The following DDX10 variants were observed in gnomAD, a reference collection of about 807,000 sequenced individuals.
DDX10 encodes the protein DEAD-box helicase 10, also known as probable ATP-dependent RNA helicase DDX10.
In DDX10, 74 loss-of-function variants were observed where a neutral mutation model predicts 104.3. The ratio of observed to expected loss-of-function variants is 0.71; its 90% CI spans 0.59 to 0.86. The LOEUF is 0.86. DDX10 is among the 40% of genes least tolerant of loss of function. The probability of loss-of-function intolerance (pLI) is 0.00; values close to 1 mark genes in which losing one functional copy is unlikely to be tolerated. For synonymous variants in DDX10, 351 were observed against 353.4 expected (o/e 0.99, Z 0.08); for missense variants, 952 against 1,040.0 (o/e 0.92, Z 1.16).
intron 15 of DDX10, among the ~76,000 whole-genome samples, chr11:108,843,678 C>T (rs1315798538): frequency 1.3e-5 from 2 of 151,810 alleles, no homozygotes; most frequent in Non-Finnish European, 2.9e-5. Context: ...ATTGCTTGAA[C>T]CTGGGAGGTG....
chr11:108,730,527 T>A (rs2094310761), intron 13 of DDX10, among the ~76,000 whole-genome samples: 1 of 152,224 alleles, frequency 6.6e-6, no homozygotes, highest in Non-Finnish European at 1.5e-5. Context: ...TTAACTGAAT[T>A]TCTTATTCCT....
At chr11:108,720,391 A>G (rs2094296814) in intron 12 of DDX10, among the ~76,000 whole-genome samples, 1 of 152,162 alleles carries the variant, frequency 6.6e-6, no homozygotes. Flanking sequence ...TAGACATTTT[A>G]TGCTTTGAAT....
chr11:108,838,670 AC>A, intron 14 of DDX10, 105 bp downstream of exon 14: 1 of 1,312,710 alleles, frequency 7.6e-7, no homozygotes, highest in South Asian at 1.6e-5. Context: ...ATGTTTCTCT[AC>A]AGCATGCTGG....
chr11:108,885,482 C>G (rs557200650), intron 16 of DDX10, among the ~76,000 whole-genome samples: 1 of 151,666 alleles, frequency 6.6e-6, no homozygotes, highest in Non-Finnish European at 1.5e-5. Context: ...CTCAGACTCT[C>G]GAGTAGCTGG....
intron 16 of DDX10, among the ~76,000 whole-genome samples, chr11:108,855,045 A>G (rs1191358139): frequency 6.6e-6 from 1 of 152,180 alleles, no homozygotes; most frequent in Non-Finnish European, 1.5e-5. Flanking sequence ...TTTGCTGGGT[A>G]CCTAATAGTG....
intron 13 of DDX10, among the ~76,000 whole-genome samples, chr11:108,754,184 A>G (rs1341094195): frequency 6.6e-6 from 1 of 152,046 alleles, no homozygotes; most frequent in East Asian, 1.9e-4. Context: ...TAGCTGAATG[A>G]TTCATTTAAC....
chr11:108,705,460 A>T (rs2094274497), intron 9 of DDX10, among the ~76,000 whole-genome samples: 2 of 151,926 alleles, frequency 1.3e-5, no homozygotes, highest in African/African-American at 4.8e-5. Context: ...TTCCTTTCTG[A>T]GTTGGTGTTT....
chr11:108,848,815 G>A (rs1862753442), intron 15 of DDX10, among the ~76,000 whole-genome samples: 1 of 152,102 alleles, frequency 6.6e-6, no homozygotes. Context: ...TTGGGGTTGA[G>A]GAGCAGGGAG....
At chr11:108,768,780 C>G (rs1208591548) in intron 13 of DDX10, among the ~76,000 whole-genome samples, 1 of 152,124 alleles carries the variant, frequency 6.6e-6, no homozygotes, top group Non-Finnish European at 1.5e-5. Flanking sequence ...TTGTTATCCT[C>G]TTCCTCGGAT....
At chr11:108,813,646 C>T (rs1862217045) in intron 13 of DDX10, among the ~76,000 whole-genome samples, 1 of 152,144 alleles carries the variant, frequency 6.6e-6, no homozygotes, top group Non-Finnish European at 1.5e-5. Context: ...AGGGCCTTCA[C>T]TACTCTAATG....
chr11:108,680,354 A>G (rs1161504473), intron 6 of DDX10, among the ~76,000 whole-genome samples: 1 of 152,230 alleles, frequency 6.6e-6, no homozygotes, highest in Non-Finnish European at 1.5e-5. Context: ...AGCTGGGACA[A>G]CCAGGGCATA....
Position 108,910,913 on chromosome 11 carries a change from G to T in DDX10, c.2305-6960G>T, listed in dbSNP as rs554032709. On this transcript the variant is annotated intron_variant, in intron 16 of 17. Transcript: ENST00000322536. ...AGTGAGGGGGTAGTGGTGGTAACTT[G>T]CAACTTGGAAATATGAAGAGAAAGA... Among the ~76,000 whole-genome samples the T allele has an allele frequency of 7.2e-5, 11 of 152,178 alleles. No homozygotes were observed. The South Asian group carries it at 2.3e-3, about 32-fold the overall frequency.
intron 8 of DDX10, among the ~76,000 whole-genome samples, chr11:108,692,522 C>T (rs926765020): frequency 3.3e-5 from 5 of 151,954 alleles, no homozygotes; most frequent in African/African-American, 1.2e-4. Flanking sequence ...CGGGGATGGA[C>T]GTAACTAGAG....
chr11:108,732,726 T>G (rs1391063978), intron 13 of DDX10, among the ~76,000 whole-genome samples: 5 of 152,218 alleles, frequency 3.3e-5, no homozygotes, highest in Non-Finnish European at 7.3e-5. Context: ...AAGAGATGGC[T>G]GGTTGACCTC....
intron 13 of DDX10, among the ~76,000 whole-genome samples, chr11:108,794,717 C>T (rs1356263211): frequency 6.6e-6 from 1 of 151,956 alleles, no homozygotes; most frequent in Non-Finnish European, 1.5e-5. Flanking sequence ...GGCATGTACC[C>T]CTCTTGACCA....
intron 7 of DDX10, chr11:108,691,081 A>G (rs781384620): frequency 2.6e-5 from 4 of 152,224 alleles, no homozygotes; most frequent in Non-Finnish European, 4.4e-5. Flanking sequence ...AGCAAATTGC[A>G]TTTGAGAAAG....
intron 2 of DDX10, 53 bp from the exon 3 acceptor site, chr11:108,675,543 A>G (rs2094223389): frequency 1.9e-6 from 3 of 1,585,870 alleles, no homozygotes; most frequent in Non-Finnish European, 2.6e-6. Flanking sequence ...TTAGCCTATA[A>G]TACCATCCTA....
intron 16 of DDX10, among the ~76,000 whole-genome samples, chr11:108,886,076 A>G (rs141857559): frequency 6.6e-6 from 1 of 152,338 alleles, no homozygotes; most frequent in Non-Finnish European, 1.5e-5. Context: ...TGAACTAAAA[A>G]TTAATTTACC....
chr11:108,836,831 A>G (rs1862561888), intron 13 of DDX10, among the ~76,000 whole-genome samples: 1 of 152,122 alleles, frequency 6.6e-6, no homozygotes, highest in African/African-American at 2.4e-5. Flanking sequence ...ATCATTGTTA[A>G]TATCTCCTTA....
Sources: allele counts gnomAD v4.1 joint callset (sites outside exome capture counted in the v4.1 genomes callset), GRCh38; gene constraint gnomAD v4.1.1; transcripts MANE v1.5; gene names NCBI Gene and HGNC (gene_info 2026-07-23, HGNC 2026-07-21).